SLC39A9: variants seen among roughly 807,000 people sequenced by gnomAD.
SLC39A9 encodes the protein zinc transporter ZIP9.
SLC39A9 carries 14 observed loss-of-function variants against 28.4 expected under a neutral mutation model. The observed-to-expected ratio is 0.49, with a 90% CI of 0.33 to 0.77. The LOEUF (loss-of-function observed/expected upper bound fraction) is 0.77. Among genes scored for constraint, SLC39A9 ranks in the 30% least tolerant of loss-of-function variants. The pLI, the probability that SLC39A9 is intolerant of heterozygous loss-of-function variation, is 0.02. For missense variants in SLC39A9, 283 were observed against 381.1 expected (o/e 0.74, Z 2.14); for synonymous variants, 119 against 149.6 (o/e 0.80, Z 1.49).
chr14:69,422,263 T>C (rs1176014755), intron 1 of SLC39A9, among the ~76,000 whole-genome samples: 1 of 152,168 alleles, frequency 6.6e-6, no homozygotes, highest in Non-Finnish European at 1.5e-5. Context: ...TGGTTTTGTT[T>C]ATTTTCAAAA....
chr14:69,446,595 G>C (rs1278754134), intron 3 of SLC39A9, among the ~76,000 whole-genome samples: 1 of 152,032 alleles, frequency 6.6e-6, no homozygotes, highest in Non-Finnish European at 1.5e-5. Flanking sequence ...GAATCTGGCT[G>C]GGCGCGGTGG....
At position 69,404,651 on chromosome 14, in the gene SLC39A9, C is replaced by T. The variant is rs188347741; in HGVS notation, c.96+5186C>T. Among the ~76,000 whole-genome samples the T allele has an allele frequency of 7.9e-5, 12 of 152,280 alleles. 1 individual carries two copies. Among genetic ancestry groups the T allele is most frequent in the South Asian group, 4.1e-4 (2 of 4,834 alleles). ...CCCCTTCGCAGTCATGGAAACTTCT[C>T]GGCAATTTGTTTGGAATCCAAAGGT... On this transcript the variant is annotated intron_variant, in intron 1 of 6. Transcript: ENST00000336643.
intron 1 of SLC39A9, among the ~76,000 whole-genome samples, chr14:69,409,639 C>T (rs1363285551): frequency 6.6e-6 from 1 of 152,148 alleles, no homozygotes; most frequent in Non-Finnish European, 1.5e-5. Flanking sequence ...CTGTGCCCTG[C>T]CTTGGGCATT....
chr14:69,414,488 G>C (rs574021276), intron 1 of SLC39A9, among the ~76,000 whole-genome samples: 3 of 152,280 alleles, frequency 2.0e-5, no homozygotes, highest in African/African-American at 7.2e-5. Flanking sequence ...AAAATTTTTG[G>C]AAGGGCCTTT....
rs368840653 is a variant in SLC39A9 at position 69,419,126 on chromosome 14, T to C, written c.97-4968T>C. Among the ~76,000 whole-genome samples, 21 of 152,322 alleles carry C rather than the reference T, an allele frequency of 1.4e-4. 1 individual carries two copies. In the South Asian group the frequency reaches 4.1e-3, roughly 30 times the overall value. On this transcript the variant is annotated intron_variant, in intron 1 of 6. Transcript: ENST00000336643. ...AATTTTAGATCTTTCCTGCTTTCTC[T>C]TGTGGGCATTTAGTGCTATAAATTT...
At chr14:69,428,455 A>G (rs1884312390) in intron 2 of SLC39A9, 1 of 152,458 alleles carries the variant, frequency 6.6e-6, no homozygotes. Context: ...AAAGAAGACC[A>G]ACAATTAACA....
chr14:69,442,299 A>G (rs553413932), intron 3 of SLC39A9, 33 bp downstream of exon 3: 6 of 1,588,118 alleles, frequency 3.8e-6, no homozygotes, highest in Middle Eastern at 3.4e-4. Context: ...GGGCAGTGCA[A>G]TACATTTGCA....
At position 69,459,493 on chromosome 14, in the gene SLC39A9, T is replaced by C; in HGVS notation, c.*900T>C. ...ATTTTAAGTGATTTTTGGATGGTTA[T>C]TGATATCTTTGTAGTAGCTTTTTTT... On this transcript the variant is annotated 3_prime_UTR_variant, in exon 7 of 7. Coordinates refer to ENST00000336643, the MANE Select transcript of SLC39A9 (RefSeq NM_018375.5). The C allele has an allele frequency of 1.0e-6, 1 of 984,526 alleles. No homozygotes were observed. Among genetic ancestry groups the C allele is most frequent in the Non-Finnish European group, 1.2e-6 (1 of 829,118 alleles). The allele number at this position is 984,526 out of a possible 1,614,324, so 61.0% of individuals were successfully genotyped here.
chr14:69,433,171 T>C (rs978792420), intron 2 of SLC39A9, among the ~76,000 whole-genome samples: 5 of 152,220 alleles, frequency 3.3e-5, no homozygotes, highest in African/African-American at 1.2e-4. Context: ...CCTAGTGTGC[T>C]GAGAGTGTTT....
chr14:69,415,439 G>A (rs147312964), intron 1 of SLC39A9, among the ~76,000 whole-genome samples: 1 of 152,302 alleles, frequency 6.6e-6, no homozygotes, highest in Non-Finnish European at 1.5e-5. Context: ...TGAAGTGTCT[G>A]TGCAGTGTTT....
intron 2 of SLC39A9, among the ~76,000 whole-genome samples, chr14:69,426,590 C>T (rs566209416): frequency 6.6e-6 from 1 of 152,248 alleles, no homozygotes; most frequent in South Asian, 2.1e-4. Context: ...TTCCCTGAAC[C>T]CTGTCCTCTT....
In SLC39A9 at chr14:69,459,178, TA is replaced by T. The variant is rs1478942421; in HGVS notation, c.*586del. ...CAAGACACATTGAAAGCTCTCTTTA[TA>T]CTCAAAAGAGATATCCATTGAAAAG... On this transcript the variant is annotated 3_prime_UTR_variant, in exon 7 of 7. Coordinates refer to ENST00000336643, the MANE Select transcript of SLC39A9 (RefSeq NM_018375.5). 4 of 985,634 alleles carry T rather than the reference TA, an allele frequency of 4.1e-6. No homozygotes were observed. The African/African-American group carries it at 7.0e-5, about 17-fold the overall frequency. The allele number at this position is 985,634 out of a possible 1,614,324, so 61.1% of individuals were successfully genotyped here.
chr14:69,409,323 C>G (rs1032319824), intron 1 of SLC39A9, among the ~76,000 whole-genome samples: 2 of 151,972 alleles, frequency 1.3e-5, no homozygotes, highest in Non-Finnish European at 2.9e-5. Context: ...TTCTTAAAAA[C>G]TTGTTCTAGT....
rs753421266 is a variant in SLC39A9 at position 69,398,698 on chromosome 14, A to C, written c.-672A>C. On this transcript the variant is annotated 5_prime_UTR_variant, in exon 1 of 7. The change abolishes an upstream ATG in the 5' untranslated region. Transcript: ENST00000336643. ...ATCCGGAAGTGGATGGAATGAAGAG[A>C]TGCCACTTGGCGGCCATGGCAGCTG... 4 of 232,660 alleles carry C rather than the reference A, an allele frequency of 1.7e-5. No homozygotes were observed. Among genetic ancestry groups the C allele is most frequent in the Non-Finnish European group, 3.5e-5 (4 of 115,210 alleles). 14.4% of individuals were successfully genotyped at this position (232,660 alleles called of 1,614,324 possible).
At position 69,414,049 on chromosome 14, in the gene SLC39A9, T is replaced by C. The variant is rs561596155; in HGVS notation, c.97-10045T>C. On this transcript the variant is annotated intron_variant, in intron 1 of 6. Transcript: ENST00000336643. Reference sequence around the variant, plus strand: ...CCAAACTCCTGTTTATATTTCATATTCTTTTTTTTTTTTTTTTTTGAGAGA... The same window carrying C: ...CCAAACTCCTGTTTATATTTCATATCCTTTTTTTTTTTTTTTTTTGAGAGA... Among the ~76,000 whole-genome samples, 184 of 147,828 alleles carry C rather than the reference T, an allele frequency of 1.2e-3. 2 individuals carry two copies. The highest frequency in any genetic ancestry group is 4.3e-3 in the African/African-American group (173 of 40,044).
At chr14:69,444,773 T>G (rs1885214948) in intron 3 of SLC39A9, among the ~76,000 whole-genome samples, 1 of 152,222 alleles carries the variant, frequency 6.6e-6, no homozygotes, top group Non-Finnish European at 1.5e-5. Flanking sequence ...AACTATGGTA[T>G]GTACACATAA....
rs1399364649 is a variant in SLC39A9 at position 69,461,839 on chromosome 14, T to A, written c.*3246T>A. On this transcript the variant is annotated 3_prime_UTR_variant, in exon 7 of 7. Coordinates refer to ENST00000336643, the MANE Select transcript of SLC39A9 (RefSeq NM_018375.5). ...CTGCCTTGTGGGCCCCTGAGCCCCT[T>A]GGGAGACTGAGAATCATGACCAGAT... 3 of 1,214,278 alleles carry A rather than the reference T, an allele frequency of 2.5e-6. No homozygotes were observed. The highest frequency in any genetic ancestry group is 3.4e-6 in the Non-Finnish European group (3 of 882,878). 75.2% of individuals were successfully genotyped at this position (1,214,278 alleles called of 1,614,324 possible).
intron 1 of SLC39A9, among the ~76,000 whole-genome samples, chr14:69,419,819 C>A (rs1883782346): frequency 1.3e-5 from 2 of 152,234 alleles, no homozygotes; most frequent in South Asian, 4.1e-4. Context: ...AGGATTGCAA[C>A]CCCTGCTTTT....
At chr14:69,414,162 C>A (rs1021161567) in intron 1 of SLC39A9, among the ~76,000 whole-genome samples, 2 of 151,556 alleles carry the variant, frequency 1.3e-5, no homozygotes, top group African/African-American at 4.9e-5. Flanking sequence ...GCGATTCTCT[C>A]TCAGCCTCCT....
Sources: allele counts gnomAD v4.1 joint callset (sites outside exome capture counted in the v4.1 genomes callset), GRCh38; gene constraint gnomAD v4.1.1; transcripts MANE v1.5; gene names NCBI Gene and HGNC (gene_info 2026-07-23, HGNC 2026-07-21).